Variants in NEGR1 observed in about 807,000 individuals in gnomAD.
NEGR1 encodes the protein neuronal growth regulator 1.
Under a neutral mutation model 40.9 loss-of-function variants are expected in NEGR1, and 10 were observed. That is an observed-to-expected ratio of 0.24 (90% CI 0.15 to 0.42). The LOEUF (loss-of-function observed/expected upper bound fraction) is 0.42. NEGR1 is among the 10% of genes least tolerant of loss of function. The probability of loss-of-function intolerance (pLI) is 1.00; values close to 1 mark genes in which losing one functional copy is unlikely to be tolerated. For synonymous variants in NEGR1, 185 were observed against 166.8 expected, an observed-to-expected ratio of 1.11 and a Z score of -0.84; for missense variants, 352 against 438.9, an observed-to-expected ratio of 0.80 and a Z score of 1.77.
intron 2 of NEGR1, among the ~76,000 whole-genome samples, chr1:71,898,976 TATAGC>T (rs1278329580): frequency 9.0e-4 from 34 of 37,724 alleles, no homozygotes; most frequent in South Asian, 6.0e-3. Flanking sequence ...TATATATATA[TATAGC>T]ATATATATAT....
intron 1 of NEGR1, among the ~76,000 whole-genome samples, chr1:71,976,707 C>A (rs1159305337): frequency 2.0e-5 from 3 of 151,928 alleles, no homozygotes; most frequent in African/African-American, 7.3e-5. Flanking sequence ...TTTTTTATAA[C>A]CTCCTTTTGT....
At chr1:72,098,034 A>G (rs1310684246) in intron 1 of NEGR1, among the ~76,000 whole-genome samples, 1 of 152,148 alleles carries the variant, frequency 6.6e-6, no homozygotes, top group African/African-American at 2.4e-5. Flanking sequence ...TCTTCTCTTA[A>G]TATTTGTCTG....
chr1:71,699,185 A>G (rs1356615380), intron 3 of NEGR1, among the ~76,000 whole-genome samples: 1 of 151,964 alleles, frequency 6.6e-6, no homozygotes, highest in African/African-American at 2.4e-5. Flanking sequence ...ATGATATAGA[A>G]GTTGGAGAAC....
intron 1 of NEGR1, among the ~76,000 whole-genome samples, chr1:72,095,977 T>C (rs1027322127): frequency 3.3e-5 from 5 of 152,132 alleles, no homozygotes; most frequent in Non-Finnish European, 7.4e-5. Context: ...AATATTTCCT[T>C]TTTTTTAAGC....
intron 1 of NEGR1, among the ~76,000 whole-genome samples, chr1:71,943,127 G>A (rs1206652503): frequency 1.4e-5 from 2 of 142,266 alleles, no homozygotes; most frequent in African/African-American, 2.6e-5. Context: ...CTATACATAT[G>A]TGTATGTGTG....
At chr1:71,829,820 C>T (rs909122967) in intron 2 of NEGR1, among the ~76,000 whole-genome samples, 16 of 152,038 alleles carry the variant, frequency 1.1e-4, no homozygotes, top group African/African-American at 3.9e-4. Context: ...CTAAATATTG[C>T]AGCACAATCC....
chr1:71,999,897 T>C (rs1403882801), intron 1 of NEGR1, among the ~76,000 whole-genome samples: 2 of 151,508 alleles, frequency 1.3e-5, no homozygotes. Flanking sequence ...GACTGTTTTC[T>C]CTGAAGACTT....
chr1:72,243,509 A>G (rs1654813757), intron 1 of NEGR1, among the ~76,000 whole-genome samples: 1 of 151,810 alleles, frequency 6.6e-6, no homozygotes, highest in Non-Finnish European at 1.5e-5. Flanking sequence ...AAATAAAAAG[A>G]ATGATTTATA....
At chr1:72,071,030 T>G (rs760048393) in intron 1 of NEGR1, among the ~76,000 whole-genome samples, 3 of 152,066 alleles carry the variant, frequency 2.0e-5, no homozygotes, top group Non-Finnish European at 4.4e-5. Flanking sequence ...AAGTGGAACA[T>G]AGTTTTTATT....
intron 3 of NEGR1, among the ~76,000 whole-genome samples, chr1:71,717,867 C>T (rs1387791896): frequency 2.0e-5 from 3 of 152,160 alleles, no homozygotes; most frequent in East Asian, 1.9e-4. Flanking sequence ...TGGAGAAAGA[C>T]AATGCGAACA....
At chr1:71,726,582 T>G (rs913814779) in intron 3 of NEGR1, among the ~76,000 whole-genome samples, 2 of 152,114 alleles carry the variant, frequency 1.3e-5, no homozygotes, top group African/African-American at 4.8e-5. Flanking sequence ...TCTCTCTACG[T>G]GATTGTAAAG....
At chr1:72,219,848 A>G (rs138518158) in intron 1 of NEGR1, among the ~76,000 whole-genome samples, 2 of 152,222 alleles carry the variant, frequency 1.3e-5, no homozygotes, top group East Asian at 1.9e-4. Context: ...GATTGCATCT[A>G]TTATGTATAT....
intron 1 of NEGR1, among the ~76,000 whole-genome samples, chr1:72,190,302 G>C (rs1437667185): frequency 5.9e-5 from 9 of 151,492 alleles, no homozygotes. Context: ...ACACTTACTT[G>C]TGTGTATATA....
chr1:72,031,714 C>CAT (rs1646860381), intron 1 of NEGR1, among the ~76,000 whole-genome samples: 1 of 151,986 alleles, frequency 6.6e-6, no homozygotes, highest in Non-Finnish European at 1.5e-5. Flanking sequence ...CTAGTACTTG[C>CAT]ATGGGGTTAC....
At chr1:71,827,833 C>A (rs1315273787) in intron 2 of NEGR1, among the ~76,000 whole-genome samples, 1 of 151,230 alleles carries the variant, frequency 6.6e-6, no homozygotes, top group African/African-American at 2.4e-5. Context: ...TTTTCTTTAT[C>A]CCAATTGACC....
chr1:71,633,311 A>T (rs1042267100), intron 4 of NEGR1, among the ~76,000 whole-genome samples: 1 of 152,132 alleles, frequency 6.6e-6, no homozygotes, highest in Non-Finnish European at 1.5e-5. Flanking sequence ...TATATATTAC[A>T]GTCCCTTGGC....
At chr1:71,836,179 A>G (rs890073039) in intron 2 of NEGR1, among the ~76,000 whole-genome samples, 1 of 152,004 alleles carries the variant, frequency 6.6e-6, no homozygotes, top group African/African-American at 2.4e-5. Flanking sequence ...ACTTTATTTT[A>G]AAGAAAATGT....
intron 1 of NEGR1, among the ~76,000 whole-genome samples, chr1:71,991,111 T>A (rs1396540540): frequency 1.3e-5 from 2 of 152,050 alleles, no homozygotes; most frequent in Non-Finnish European, 2.9e-5. Context: ...GCTCAACTTC[T>A]CAAAATAAAA....
intron 1 of NEGR1, among the ~76,000 whole-genome samples, chr1:72,257,948 G>A (rs576814065): frequency 6.6e-6 from 1 of 152,194 alleles, no homozygotes; most frequent in East Asian, 1.9e-4. Flanking sequence ...GTTTATTTTA[G>A]TCATTGTTTT....
Sources: gnomAD v4.1 joint callset for allele counts (sites outside exome capture counted in the v4.1 genomes callset) on GRCh38, gnomAD v4.1.1 for gene constraint, MANE v1.5 for transcripts, NCBI Gene and HGNC (gene_info 2026-07-23, HGNC 2026-07-21) for gene names.